Variants in UGT2B10 observed in about 807,000 individuals in gnomAD.
UGT2B10 encodes the protein UDP glucuronosyltransferase family 2 member B10, also known as UDP-glucuronosyltransferase 2B10.
A neutral mutation model predicts 43.7 loss-of-function variants in UGT2B10; 51 were observed. The ratio of observed to expected loss-of-function variants is 1.17; its 90% CI spans 0.93 to 1.47. The LOEUF is 1.47. Among genes scored for constraint, UGT2B10 ranks in the 40% most tolerant of loss-of-function variants. UGT2B10 has a pLI of 0.00. For missense variants in UGT2B10, 696 were observed against 617.7 expected, an observed-to-expected ratio of 1.13 and a Z score of -1.34; for synonymous variants, 225 against 209.0, an observed-to-expected ratio of 1.08 and a Z score of -0.66.
At chr4:68,828,007 C>T (rs1261482785) in intron 5 of UGT2B10, among the ~76,000 whole-genome samples, 1 of 151,760 alleles carries the variant, frequency 6.6e-6, no homozygotes. Flanking sequence ...TAAAACCCAC[C>T]TATTTATGGC....
At position 68,830,835 on chromosome 4, in the gene UGT2B10, T is replaced by C. The variant is rs776024737; in HGVS notation, c.1543T>C (p.Phe515Leu). 5.6e-5 allele frequency: 91 copies of C among 1,613,026 alleles called. No homozygotes were observed. The highest frequency in any genetic ancestry group is 7.4e-5 in the Non-Finnish European group (87 of 1,179,426). The change falls in exon 6 of 6, where the codon TTC (phenylalanine) becomes CTC (leucine). Residue 515 changes from phenylalanine (F) to leucine (L), a missense_variant. By Grantham distance (22) the Phe-to-Leu change is conservative. Coordinates refer to ENST00000265403, the MANE Select transcript of UGT2B10 (RefSeq NM_001075.6). ...FIITKCCLFCFWKFARKGKKG... is the reference protein window; with the variant it reads ...FIITKCCLFCLWKFARKGKKG... ...CATCACAAAGTGTTGTCTGTTTTGT[T>C]TCTGGAAGTTTGCTAGAAAAGGAAA...
At position 68,831,402 on chromosome 4, in the gene UGT2B10, T is replaced by A. The variant is rs1381690784; in HGVS notation, c.*523T>A. On this transcript the variant is annotated 3_prime_UTR_variant, in exon 6 of 6. Transcript: ENST00000265403. Reference sequence around the variant, plus strand: ...ACCACCATAACTTTACAAAATGAGATTTTTATATAAGAATGATTCAAATGT... The same window carrying A: ...ACCACCATAACTTTACAAAATGAGAATTTTATATAAGAATGATTCAAATGT... Among the ~76,000 whole-genome samples, 1 of 152,114 alleles carries A rather than the reference T, an allele frequency of 6.6e-6. No individual in the cohort carries two copies. The highest frequency in any genetic ancestry group is 1.5e-5 in the Non-Finnish European group (1 of 68,004).
At chr4:68,828,605 C>CT (rs941054370) in intron 5 of UGT2B10, among the ~76,000 whole-genome samples, 2 of 151,806 alleles carry the variant, frequency 1.3e-5, no homozygotes, top group African/African-American at 4.8e-5. Flanking sequence ...CCTAAACAGA[C>CT]TTTTTTAAAA....
Position 68,822,316 on chromosome 4 carries a change from G to T in UGT2B10, c.913G>T (p.Val305Leu), listed in dbSNP as rs368640474. 1.2e-6 allele frequency: 2 copies of T among 1,613,408 alleles called. No individual in the cohort carries two copies. The highest frequency in any genetic ancestry group is 2.2e-5 in the South Asian group (2 of 91,042). Residue 305 changes from valine to leucine, a missense_variant, in exon 3 of 6, where the codon GTG becomes TTG. Transcript: ENST00000265403. ...VQSSGENGVV[V>L]FSLGSMVSNM... Reference sequence around the variant, plus strand: ...GAGCTCTGGAGAAAATGGTGTTGTGGTGTTTTCTCTGGGGTCAATGGTCAG... The same window carrying T: ...GAGCTCTGGAGAAAATGGTGTTGTGTTGTTTTCTCTGGGGTCAATGGTCAG...
intron 5 of UGT2B10, 107 bp downstream of exon 5, chr4:68,827,655 T>G: frequency 6.6e-7 from 1 of 1,516,408 alleles, no homozygotes; most frequent in Non-Finnish European, 8.8e-7. Context: ...TTGAAAGAAT[T>G]TAAATGATTT....
At chr4:68,817,287 C>T (rs942730837) in intron 1 of UGT2B10, among the ~76,000 whole-genome samples, 3 of 151,746 alleles carry the variant, frequency 2.0e-5, no homozygotes, top group Non-Finnish European at 4.4e-5. Flanking sequence ...TGTTTCTATA[C>T]TCCTTCACTA....
intron 4 of UGT2B10, 100 bp from the exon 5 acceptor site, chr4:68,827,229 T>G: frequency 2.5e-6 from 4 of 1,571,616 alleles, no homozygotes; most frequent in Non-Finnish European, 3.5e-6. Flanking sequence ...GCAAATTAGT[T>G]CAGTGTGTTA....
At chr4:68,829,937 G>A (rs1028100242) in intron 5 of UGT2B10, among the ~76,000 whole-genome samples, 5 of 152,108 alleles carry the variant, frequency 3.3e-5, no homozygotes, top group African/African-American at 7.2e-5. Context: ...TCTCACTTTA[G>A]TTGCAAAACA....
intron 2 of UGT2B10, among the ~76,000 whole-genome samples, chr4:68,818,917 T>G (rs1239240781): frequency 4.6e-5 from 7 of 151,802 alleles, no homozygotes; most frequent in Non-Finnish European, 1.0e-4. Flanking sequence ...AGTTCAGAAA[T>G]AAGGATATAT....
At position 68,832,008 on chromosome 4, in the gene UGT2B10, T is replaced by A. The variant is rs1738119416; in HGVS notation, c.*1129T>A. The stretch of plus-strand genomic sequence containing the variant: ...AATAACAAATTTATCCTTAATAAAG[T>A]CTCTATACTAAAGAAGAATCTAATG... On this transcript the variant is annotated 3_prime_UTR_variant, in exon 6 of 6. Transcript: ENST00000265403. 6.6e-6 allele frequency among the ~76,000 whole-genome samples: 1 copy of A among 152,002 alleles called. No individual in the cohort carries two copies. The highest frequency in any genetic ancestry group is 2.4e-5 in the African/African-American group (1 of 41,438).
Position 68,818,157 on chromosome 4 carries a change from C to T in UGT2B10, c.847C>T (p.Pro283Ser). The change falls in exon 2 of 6, where the codon CCT becomes TCT. Residue 283 changes from proline (P) to serine (S), a missense_variant. Coordinates refer to ENST00000265403, the MANE Select transcript of UGT2B10 (RefSeq NM_001075.6). ...TTTTGTTGGAGGACTCCACTGCAAA[C>T]CTGCCAAACCCCTACCTAAGGTAAA... ...VDFVGGLHCK[P>S]AKPLPKEMEE... 6.2e-7 allele frequency: 1 copy of T among 1,609,498 alleles called. No individual in the cohort carries two copies. The highest frequency in any genetic ancestry group is 8.5e-7 in the Non-Finnish European group (1 of 1,177,810).
Position 68,831,277 on chromosome 4 carries a change from G to T in UGT2B10, c.*398G>T, listed in dbSNP as rs1738089002. 5.6e-6 allele frequency: 1 copy of T among 178,700 alleles called. No homozygotes were observed. Among genetic ancestry groups the T allele is most frequent in the Admixed American group, 5.6e-5 (1 of 17,702 alleles). 11.1% of individuals were successfully genotyped at this position (178,700 alleles called of 1,614,324 possible). A position where few individuals can be genotyped will look rare whatever the true frequency, so the allele number is the denominator to read the frequency against. ...TCCAACTAATTTTTTATTTTTTGTA[G>T]TGATGAGATCTCATTGTGTTCTCCA... On this transcript the variant is annotated 3_prime_UTR_variant, in exon 6 of 6. Coordinates refer to ENST00000265403, the MANE Select transcript of UGT2B10 (RefSeq NM_001075.6).
At chr4:68,829,892 G>A (rs1338118947) in intron 5 of UGT2B10, among the ~76,000 whole-genome samples, 1 of 151,960 alleles carries the variant, frequency 6.6e-6, no homozygotes, top group Non-Finnish European at 1.5e-5. Flanking sequence ...ATAATGAGAA[G>A]CCAGGCAAAA....
At position 68,822,361 on chromosome 4, in the gene UGT2B10, G is replaced by T; in HGVS notation, c.958G>T (p.Ala320Ser). 6.2e-7 allele frequency: 1 copy of T among 1,613,720 alleles called. No individual in the cohort carries two copies. Among genetic ancestry groups the T allele is most frequent in the Non-Finnish European group, 8.5e-7 (1 of 1,179,838 alleles). ...SMVSNMTEER[A>S]NVIATALAKI... ...GGTCAGTAACATGACAGAAGAAAGG[G>T]CCAACGTAATTGCAACAGCCCTTGC... The change falls in exon 3 of 6, where the codon GCC (alanine) becomes TCC (serine). Residue 320 changes from alanine to serine, a missense_variant. Physicochemically the swap from Ala to Ser is moderately conservative, Grantham distance 99. Coordinates refer to ENST00000265403, the MANE Select transcript of UGT2B10 (RefSeq NM_001075.6).
intron 4 of UGT2B10, among the ~76,000 whole-genome samples, chr4:68,826,822 G>A (rs540621983): frequency 6.6e-6 from 1 of 151,928 alleles, no homozygotes; most frequent in African/African-American, 2.4e-5. Context: ...CTCCTGCAGG[G>A]TTATTTCAAA....
chr4:68,820,513 A>G (rs568586371), intron 2 of UGT2B10, among the ~76,000 whole-genome samples: 1 of 152,070 alleles, frequency 6.6e-6, no homozygotes, highest in South Asian at 2.1e-4. Context: ...GTAATCCAAC[A>G]TGTTACATGA....
At position 68,816,005 on chromosome 4, in the gene UGT2B10, T is replaced by C; in HGVS notation, c.-15T>C. Reference sequence around the variant, plus strand: ...AGAAACAGTGACTGGAAAAGAATTATCACATTGCACAAGGATGGCTCTGAA... The same window carrying C: ...AGAAACAGTGACTGGAAAAGAATTACCACATTGCACAAGGATGGCTCTGAA... On this transcript the variant is annotated 5_prime_UTR_variant, in exon 1 of 6. Coordinates refer to ENST00000265403, the MANE Select transcript of UGT2B10 (RefSeq NM_001075.6). The C allele has an allele frequency of 6.2e-7, 1 of 1,611,764 alleles. No homozygotes were observed. Among genetic ancestry groups the C allele is most frequent in the Non-Finnish European group, 8.5e-7 (1 of 1,178,432 alleles).
chr4:68,828,778 G>C (rs1419671197), intron 5 of UGT2B10, among the ~76,000 whole-genome samples: 2 of 151,978 alleles, frequency 1.3e-5, no homozygotes, highest in Non-Finnish European at 2.9e-5. Context: ...ATGTTGAATA[G>C]TTAATAGTCA....
chr4:68,819,676 T>C lies in UGT2B10; in HGVS notation c.867+1499T>C, dbSNP rs576703628. On this transcript the variant is annotated intron_variant, in intron 2 of 5. Transcript: ENST00000265403. ...GGAACTCGTCTTGACATCATAGGTG[T>C]CTGACAGAGAAGCACAGAGATAATG... 4.6e-5 allele frequency among the ~76,000 whole-genome samples: 7 copies of C among 152,048 alleles called. No homozygotes were observed. The South Asian group carries it at 1.4e-3, about 31-fold the overall frequency.
Sources: gnomAD v4.1 joint callset for allele counts (sites outside exome capture counted in the v4.1 genomes callset) on GRCh38, gnomAD v4.1.1 for gene constraint, MANE v1.5 for transcripts, NCBI Gene and HGNC (gene_info 2026-07-23, HGNC 2026-07-21) for gene names.